AKAP6: variants seen among roughly 807,000 people sequenced by gnomAD.
AKAP6 encodes A-kinase anchor protein 6.
Under a neutral mutation model 188.5 loss-of-function variants are expected in AKAP6, and 58 were observed. The ratio of observed to expected loss-of-function variants is 0.31; its 90% CI spans 0.25 to 0.38. AKAP6 has a LOEUF of 0.38. Among genes scored for constraint, AKAP6 ranks in the 10% least tolerant of loss-of-function variants. The pLI, the probability that AKAP6 is intolerant of heterozygous loss-of-function variation, is 1.00. For missense variants in AKAP6, 2,710 were observed against 2,740.0 expected, an observed-to-expected ratio of 0.99 and a Z score of 0.24; for synonymous variants, 989 against 998.6, an observed-to-expected ratio of 0.99 and a Z score of 0.18.
intron 3 of AKAP6, among the ~76,000 whole-genome samples, chr14:32,544,300 G>A (rs1883089958): frequency 1.3e-5 from 2 of 152,202 alleles, no homozygotes; most frequent in African/African-American, 4.8e-5. Context: ...AGGCAAAATA[G>A]GATAGTTCCC....
At chr14:32,595,778 G>T (rs190481252) in intron 5 of AKAP6, among the ~76,000 whole-genome samples, 1 of 151,922 alleles carries the variant, frequency 6.6e-6, no homozygotes, top group Non-Finnish European at 1.5e-5. Flanking sequence ...TTTGCTTAAG[G>T]CCCGACCACT....
intron 9 of AKAP6, among the ~76,000 whole-genome samples, chr14:32,705,004 G>A (rs1458373649): frequency 6.6e-6 from 1 of 152,174 alleles, no homozygotes; most frequent in Non-Finnish European, 1.5e-5. Flanking sequence ...TACCTGTTCA[G>A]AATAGATGGT....
At position 32,733,794 on chromosome 14, in the gene AKAP6, A is replaced by C. The variant is rs1322983598; in HGVS notation, c.3147+1194A>C. The stretch of plus-strand genomic sequence containing the variant: ...AAACCTGCCGTATTCTACAGCATTC[A>C]TTGATCTCAAACAGGAGAAATGTGG... On this transcript the variant is annotated intron_variant, in intron 10 of 13. Transcript: ENST00000280979. 2.6e-5 allele frequency: 4 copies of C among 152,270 alleles called. No homozygotes were observed. In the East Asian group the frequency reaches 7.7e-4, roughly 29 times the overall value. The allele number at this position is 152,270 out of a possible 1,614,324, so 9.4% of individuals were successfully genotyped here.
chr14:32,380,455 A>AACT (rs1315348817), intron 1 of AKAP6, among the ~76,000 whole-genome samples: 1 of 152,230 alleles, frequency 6.6e-6, no homozygotes, highest in African/African-American at 2.4e-5. Flanking sequence ...ATCAGGTACA[A>AACT]ACTAGCAAAT....
chr14:32,712,621 C>CA (rs2029950758), intron 9 of AKAP6, among the ~76,000 whole-genome samples: 1 of 152,090 alleles, frequency 6.6e-6, no homozygotes, highest in Non-Finnish European at 1.5e-5. Context: ...TTCTCAACAG[C>CA]AGTAAATTCC....
chr14:32,776,236 C>G (rs1394581078), intron 12 of AKAP6, among the ~76,000 whole-genome samples: 1 of 152,166 alleles, frequency 6.6e-6, no homozygotes, highest in Non-Finnish European at 1.5e-5. Flanking sequence ...TTGTAGCTCC[C>G]ATAATTCCTA....
At chr14:32,766,879 GTCTAACCCAACATGATGAA>G (rs1416341221) in intron 11 of AKAP6, among the ~76,000 whole-genome samples, 27 of 152,154 alleles carry the variant, frequency 1.8e-4, no homozygotes, top group Non-Finnish European at 3.1e-4. Flanking sequence ...CAAAATCATT[GTCTAACCCAACATGATGAA>G]TATTTACCTC....
At chr14:32,457,256 G>T (rs1241638235) in intron 2 of AKAP6, among the ~76,000 whole-genome samples, 3 of 152,134 alleles carry the variant, frequency 2.0e-5, no homozygotes, top group African/African-American at 7.2e-5. Flanking sequence ...ATATAGAAAA[G>T]GTAGATATTG....
At chr14:32,778,509 CAT>C (rs1310233478) in intron 12 of AKAP6, among the ~76,000 whole-genome samples, 25 of 151,350 alleles carry the variant, frequency 1.7e-4, no homozygotes, top group South Asian at 1.3e-3. Context: ...AAAAATTAGA[CAT>C]GTGATAAGAT....
intron 2 of AKAP6, among the ~76,000 whole-genome samples, chr14:32,509,735 C>T: frequency 6.6e-6 from 1 of 152,146 alleles, no homozygotes; most frequent in East Asian, 1.9e-4. Context: ...GATTAGGGCA[C>T]TGTCTGCCCT....
At chr14:32,533,441 G>T (rs1269337373) in intron 2 of AKAP6, among the ~76,000 whole-genome samples, 3 of 152,150 alleles carry the variant, frequency 2.0e-5, no homozygotes, top group Non-Finnish European at 4.4e-5. Flanking sequence ...GGGAGAATGA[G>T]CAGCCTTCCC....
rs766644533 is a variant in AKAP6, at chr14:32,545,567, G to A, written c.914G>A (p.Gly305Asp). ...SQVSLSVDDK[G>D]GCEEDNASAV... ...GTATCTCTCTCAGTAGACGACAAAGGTGGATGTGAGGAAGACAATGCTTCT... is the reference window on the plus strand; with the variant it reads ...GTATCTCTCTCAGTAGACGACAAAGATGGATGTGAGGAAGACAATGCTTCT... The change falls in exon 4 of 14, where the codon GGT (glycine) becomes GAT (aspartate). Residue 305 changes from glycine (G) to aspartate (D), a missense_variant. Around this residue, in one of 2 missense-constraint regions of AKAP6, gnomAD observed 2,473 missense variants for 2,426.1 expected, o/e 1.02. Transcript: ENST00000280979. 5 of 1,614,072 alleles carry A rather than the reference G, an allele frequency of 3.1e-6. No homozygotes were observed. The Admixed American group carries it at 8.3e-5, about 27-fold the overall frequency.
chr14:32,690,547 G>A (rs1890135314), intron 8 of AKAP6, among the ~76,000 whole-genome samples: 1 of 151,970 alleles, frequency 6.6e-6, no homozygotes, highest in East Asian at 1.9e-4. Flanking sequence ...ATTTATAAAA[G>A]CCCTGGAATC....
At chr14:32,445,463 C>G (rs912003566) in intron 2 of AKAP6, among the ~76,000 whole-genome samples, 1 of 152,140 alleles carries the variant, frequency 6.6e-6, no homozygotes, top group Non-Finnish European at 1.5e-5. Flanking sequence ...ACCTCTGCCT[C>G]CCTGGTTCTA....
intron 2 of AKAP6, among the ~76,000 whole-genome samples, chr14:32,530,689 C>T (rs754410025): frequency 2.0e-5 from 3 of 152,120 alleles, no homozygotes; most frequent in Non-Finnish European, 4.4e-5. Flanking sequence ...AGTAAGCATT[C>T]AGAGCAATCA....
intron 13 of AKAP6, among the ~76,000 whole-genome samples, chr14:32,829,462 G>C (rs1183230300): frequency 6.6e-6 from 1 of 152,126 alleles, no homozygotes; most frequent in Non-Finnish European, 1.5e-5. Context: ...TAAATATTTT[G>C]CCGCATCACT....
At chr14:32,547,658 G>A (rs781523909) in intron 4 of AKAP6, among the ~76,000 whole-genome samples, 4 of 152,002 alleles carry the variant, frequency 2.6e-5, no homozygotes, top group Admixed American at 6.6e-5. Context: ...TCTCAGGACC[G>A]ACGGCTTGGG....
At chr14:32,413,416 C>T (rs1325600789) in intron 1 of AKAP6, among the ~76,000 whole-genome samples, 2 of 152,000 alleles carry the variant, frequency 1.3e-5, no homozygotes, top group African/African-American at 4.8e-5. Flanking sequence ...CTCCTGGGCT[C>T]AAGTGATCTC....
chr14:32,703,549 C>T (rs1890697453), intron 9 of AKAP6, among the ~76,000 whole-genome samples: 1 of 152,204 alleles, frequency 6.6e-6, no homozygotes, highest in African/African-American at 2.4e-5. Flanking sequence ...GCAAATTAAT[C>T]TAACACATAA....
Sources: allele counts gnomAD v4.1 joint callset (sites outside exome capture counted in the v4.1 genomes callset), GRCh38; gene constraint gnomAD v4.1.1; regional missense constraint gnomAD v4.1.1; transcripts MANE v1.5; gene names NCBI Gene and HGNC (gene_info 2026-07-23, HGNC 2026-07-21).